FRMD6: variants seen among roughly 807,000 people sequenced by gnomAD.
FRMD6 encodes FERM domain containing 6.
FRMD6 carries 37 observed loss-of-function variants against 73.2 expected under a neutral mutation model. The observed-to-expected ratio is 0.51, with a 90% CI of 0.39 to 0.66. The LOEUF (loss-of-function observed/expected upper bound fraction) is 0.66, where lower values mean the gene tolerates loss of function less well. FRMD6 is among the 30% of genes least tolerant of loss of function. The pLI is 0.00. For synonymous variants in FRMD6, 273 were observed against 282.2 expected (o/e 0.97, Z 0.33); for missense variants, 714 against 780.5 (o/e 0.91, Z 1.02).
chr14:51,683,130 C>T (rs1894918270), intron 1 of FRMD6, among the ~76,000 whole-genome samples: 1 of 152,212 alleles, frequency 6.6e-6, no homozygotes, highest in Non-Finnish European at 1.5e-5. Flanking sequence ...ATACGCTTAA[C>T]TTCCCTACCC....
the FRMD6 span, among the ~76,000 whole-genome samples, chr14:51,472,290 AATT>A: frequency 1.3e-5 from 2 of 151,676 alleles, no homozygotes; most frequent in African/African-American, 4.8e-5. Flanking sequence ...TTGCTGAAGG[AATT>A]ATTATTATTA....
intron 1 of FRMD6, among the ~76,000 whole-genome samples, chr14:51,568,561 C>T (rs894719073): frequency 6.6e-6 from 1 of 152,158 alleles, no homozygotes; most frequent in African/African-American, 2.4e-5. Flanking sequence ...TCTCTGTGGC[C>T]AACAGTAGGC....
intron 2 of FRMD6, among the ~76,000 whole-genome samples, chr14:51,642,962 C>T (rs1312004228): frequency 7.2e-5 from 11 of 152,084 alleles, no homozygotes; most frequent in Admixed American, 7.2e-4. Flanking sequence ...AGAGAATGGC[C>T]TAGGAGAAAG....
At chr14:51,638,851 T>G (rs997255761) in intron 2 of FRMD6, among the ~76,000 whole-genome samples, 3 of 152,212 alleles carry the variant, frequency 2.0e-5, no homozygotes, top group Admixed American at 2.0e-4. Flanking sequence ...ACATAATTCC[T>G]TGTAATTATT....
intron 1 of FRMD6, among the ~76,000 whole-genome samples, chr14:51,674,369 T>G (rs1189329308): frequency 6.6e-6 from 1 of 152,106 alleles, no homozygotes; most frequent in African/African-American, 2.4e-5. Flanking sequence ...TTGTAGGCAA[T>G]ATATAGTCTT....
chr14:51,642,092 GA>G (rs1036066701), intron 2 of FRMD6, among the ~76,000 whole-genome samples: 1 of 152,156 alleles, frequency 6.6e-6, no homozygotes, highest in Non-Finnish European at 1.5e-5. Context: ...GTACTAGTTT[GA>G]GGTGATTTTG....
chr14:51,517,826 G>A (rs1197355684), intron 1 of FRMD6, among the ~76,000 whole-genome samples: 6 of 152,016 alleles, frequency 3.9e-5, no homozygotes, highest in Admixed American at 2.6e-4. Flanking sequence ...ATGGCCTGAT[G>A]TGCTAACTCA....
upstream of FRMD6, among the ~76,000 whole-genome samples, chr14:51,486,914 A>G (rs894728099): frequency 6.6e-6 from 1 of 150,612 alleles, no homozygotes; most frequent in Non-Finnish European, 1.5e-5. Context: ...AAGTTTCAGG[A>G]TAGTATATAG....
intron 1 of FRMD6, among the ~76,000 whole-genome samples, chr14:51,507,458 G>A (rs1884035347): frequency 6.6e-6 from 1 of 152,182 alleles, no homozygotes; most frequent in African/African-American, 2.4e-5. Context: ...AGGATATCTG[G>A]AAGACACTAG....
the FRMD6 span, among the ~76,000 whole-genome samples, chr14:51,443,465 T>G: frequency 6.6e-6 from 1 of 152,202 alleles, no homozygotes; most frequent in African/African-American, 2.4e-5. Flanking sequence ...ATGGCAAGGT[T>G]TATGGCTGCC....
At chr14:51,616,055 T>G (rs1890695755) in intron 2 of FRMD6, among the ~76,000 whole-genome samples, 1 of 152,100 alleles carries the variant, frequency 6.6e-6, no homozygotes, top group Admixed American at 6.5e-5. Context: ...TAGTTTGAAG[T>G]GTTATCCTGA....
At chr14:51,475,278 A>G in the FRMD6 span, among the ~76,000 whole-genome samples, 18 of 152,230 alleles carry the variant, frequency 1.2e-4, no homozygotes. Flanking sequence ...CTGAGGATAT[A>G]TGTGGGTCAC....
the FRMD6 span, among the ~76,000 whole-genome samples, chr14:51,430,157 G>A: frequency 3.3e-5 from 5 of 152,212 alleles, no homozygotes; most frequent in Non-Finnish European, 5.9e-5. Context: ...GGGCTGTTCC[G>A]GGGAATGAGA....
intron 2 of FRMD6, among the ~76,000 whole-genome samples, chr14:51,615,270 A>T (rs937413636): frequency 1.3e-5 from 2 of 152,188 alleles, no homozygotes; most frequent in African/African-American, 4.8e-5. Flanking sequence ...TTAATTTCTA[A>T]AACTGTATAT....
rs1419547127 is a variant in FRMD6 at position 51,658,243 on chromosome 14, C to T, written c.-147+6247C>T. On this transcript the variant is annotated intron_variant, in intron 1 of 13. Coordinates refer to ENST00000344768, the MANE Select transcript of FRMD6 (RefSeq NM_001267046.2). The stretch of plus-strand genomic sequence containing the variant: ...GCCCAGAGGAAATGGATCTGTAGCC[C>T]AATGAGGCAGAATTTTTCTTCTTTC... 2.0e-5 allele frequency among the ~76,000 whole-genome samples: 3 copies of T among 152,196 alleles called. No individual in the cohort carries two copies. In the East Asian group the frequency reaches 5.8e-4, roughly 29 times the overall value.
chr14:51,500,277 C>T (rs1360614423), intron 1 of FRMD6, among the ~76,000 whole-genome samples: 1 of 152,044 alleles, frequency 6.6e-6, no homozygotes, highest in East Asian at 1.9e-4. Context: ...ACCTGTAATT[C>T]CAGCACTTTG....
chr14:51,696,786 T>TAA (rs1199975205), intron 2 of FRMD6, among the ~76,000 whole-genome samples: 1 of 151,422 alleles, frequency 6.6e-6, no homozygotes, highest in East Asian at 1.9e-4. Context: ...ACTCTGTCTT[T>TAA]AAAAAAAAGT....
At chr14:51,446,902 G>C in the FRMD6 span, among the ~76,000 whole-genome samples, 1 of 152,164 alleles carries the variant, frequency 6.6e-6, no homozygotes, top group Non-Finnish European at 1.5e-5. Context: ...CCATCATGAC[G>C]ACCTAGGCTG....
chr14:51,459,311 TG>T, the FRMD6 span, among the ~76,000 whole-genome samples: 2 of 152,352 alleles, frequency 1.3e-5, no homozygotes, highest in South Asian at 4.1e-4. Flanking sequence ...CCAATTCACA[TG>T]GGCCTGGATT....
Sources: allele counts gnomAD v4.1 joint callset (sites outside exome capture counted in the v4.1 genomes callset), GRCh38; gene constraint gnomAD v4.1.1; transcripts MANE v1.5; gene names NCBI Gene and HGNC (gene_info 2026-07-23, HGNC 2026-07-21).